The following ROBO2 variants were observed in gnomAD, a reference collection of about 807,000 sequenced individuals.
ROBO2 encodes roundabout guidance receptor 2, also known as roundabout homolog 2.
In ROBO2, 53 loss-of-function variants were observed where a neutral mutation model predicts 160.8. The ratio of observed to expected loss-of-function variants is 0.33; its 90% confidence interval spans 0.26 to 0.41. The LOEUF (loss-of-function observed/expected upper bound fraction) is 0.41, where lower values mean the gene tolerates loss of function less well. Ranked by LOEUF, ROBO2 falls within the 10% of genes least tolerant of loss-of-function variation. The pLI is 1.00. For synonymous variants in ROBO2, 664 were observed against 611.7 expected, an observed-to-expected ratio of 1.09 and a Z score of -1.26; for missense variants, 1,577 against 1,722.4, an observed-to-expected ratio of 0.92 and a Z score of 1.49.
chr3:76,089,193 A>T (rs944070947), intron 2 of ROBO2, among the ~76,000 whole-genome samples: 1 of 152,078 alleles, frequency 6.6e-6, no homozygotes, highest in African/African-American at 2.4e-5. Context: ...TTAATAGTTA[A>T]TCAGTTACCA....
At chr3:77,153,028 C>T (rs1365320815) in intron 2 of ROBO2, among the ~76,000 whole-genome samples, 2 of 152,140 alleles carry the variant, frequency 1.3e-5, no homozygotes, top group African/African-American at 4.8e-5. Context: ...AAGGTGTGGT[C>T]TTTCAGTCTG....
rs186295361 is a variant in ROBO2 at position 76,714,758 on chromosome 3, A to G, written c.110-383256A>G. On this transcript the variant is annotated intron_variant, in intron 2 of 26. Transcript: ENST00000487694. ...AGTACACAAATCTATTGCCAATAGCACTGACTCTGGGAACTTTTAAATAAA... is the reference window on the plus strand; with the variant it reads ...AGTACACAAATCTATTGCCAATAGCGCTGACTCTGGGAACTTTTAAATAAA... 2.2e-3 allele frequency among the ~76,000 whole-genome samples: 333 copies of G among 152,292 alleles called. 2 individuals carry two copies. The highest frequency in any genetic ancestry group is 2.5e-3 in the Non-Finnish European group (168 of 68,002).
intron 2 of ROBO2, among the ~76,000 whole-genome samples, chr3:76,751,259 C>A (rs1024474883): frequency 5.9e-5 from 9 of 151,714 alleles, no homozygotes; most frequent in Non-Finnish European, 1.0e-4. Context: ...AAAGCTGAAA[C>A]CTGAAACTGG....
In ROBO2 at chr3:75,969,191, ATATAT is replaced by A. The variant is rs201995584; in HGVS notation, c.109+31594_109+31598del. Among the ~76,000 whole-genome samples, 1,012 of 149,354 alleles carry A rather than the reference ATATAT, an allele frequency of 6.8e-3. 65 individuals are homozygous for A. In the East Asian group the frequency reaches 0.17, roughly 25 times the overall value. ...TTATAAGATTATAATATGATATATA[ATATAT>A]TATAACTATACATCATAGTTTCTTT... On this transcript the variant is annotated intron_variant, in intron 2 of 26. Transcript: ENST00000487694.
In ROBO2 at chr3:76,404,867, T is replaced by C. The variant is rs773457924; in HGVS notation, c.109+467265T>C. Among the ~76,000 whole-genome samples, 102 of 151,636 alleles carry C rather than the reference T, an allele frequency of 6.7e-4. 1 individual carries two copies. The highest frequency in any genetic ancestry group is 3.1e-4 in the Non-Finnish European group (21 of 67,722). On this transcript the variant is annotated intron_variant, in intron 2 of 26. Transcript: ENST00000487694. ...TTGTGGCTTGGTTGTGAATATGGCG[T>C]ATGTGAAAATGAGAATGGGTTATAA...
At chr3:76,951,083 C>A (rs926585640) in intron 2 of ROBO2, among the ~76,000 whole-genome samples, 2 of 152,146 alleles carry the variant, frequency 1.3e-5, no homozygotes, top group Admixed American at 6.5e-5. Context: ...TTCATTTAGT[C>A]ACTTCTTTCA....
chr3:76,033,937 G>A (rs2067013910), intron 2 of ROBO2, among the ~76,000 whole-genome samples: 1 of 152,222 alleles, frequency 6.6e-6, no homozygotes, highest in Admixed American at 6.5e-5. Context: ...GAAAGGGAAA[G>A]TAGAAACTGA....
chr3:77,304,532 G>T (rs1472930664), intron 2 of ROBO2, among the ~76,000 whole-genome samples: 3 of 152,100 alleles, frequency 2.0e-5, no homozygotes, highest in Admixed American at 6.6e-5. Flanking sequence ...TTTCAGGGCT[G>T]CCAGCGCACT....
chr3:76,554,037 C>T (rs919445209), intron 2 of ROBO2, among the ~76,000 whole-genome samples: 1 of 152,112 alleles, frequency 6.6e-6, no homozygotes, highest in Non-Finnish European at 1.5e-5. Context: ...AACGTGAACA[C>T]TCGCATTTTA....
At chr3:77,577,741 T>A in intron 15 of ROBO2, 127 bp downstream of exon 16, 1 of 1,184,314 alleles carries the variant, frequency 8.4e-7, no homozygotes, top group Admixed American at 2.0e-5. Context: ...TTATTTATAT[T>A]TCTGTGTGAC....
chr3:77,169,169 T>C (rs1235425881), intron 2 of ROBO2, among the ~76,000 whole-genome samples: 4 of 152,222 alleles, frequency 2.6e-5, no homozygotes, highest in Admixed American at 1.3e-4. Context: ...CGTGTTCTTA[T>C]TTGCTGAGTG....
chr3:77,350,623 T>C (rs181946658), intron 2 of ROBO2, among the ~76,000 whole-genome samples: 153 of 152,198 alleles, frequency 1.0e-3, no homozygotes, highest in African/African-American at 3.6e-3. Context: ...ACAGAAGGTG[T>C]CAGGTGAAAT....
chr3:76,561,151 C>T (rs368369039), intron 2 of ROBO2, among the ~76,000 whole-genome samples: 3 of 151,574 alleles, frequency 2.0e-5, no homozygotes, highest in African/African-American at 7.3e-5. Flanking sequence ...GCATCATGTT[C>T]CAACCTTAAC....
intron 2 of ROBO2, among the ~76,000 whole-genome samples, chr3:77,374,742 G>T (rs753453895): frequency 1.3e-5 from 2 of 152,162 alleles, no homozygotes; most frequent in African/African-American, 2.4e-5. Flanking sequence ...GAGATGTACT[G>T]ACTGAATTAC....
At chr3:76,147,888 A>G (rs955325711) in intron 2 of ROBO2, among the ~76,000 whole-genome samples, 2 of 152,046 alleles carry the variant, frequency 1.3e-5, no homozygotes, top group Admixed American at 6.6e-5. Flanking sequence ...TTTCACTGGT[A>G]TGTGTGACCT....
chr3:76,083,101 AC>A (rs1381061866), intron 2 of ROBO2, among the ~76,000 whole-genome samples: 1 of 152,072 alleles, frequency 6.6e-6, no homozygotes, highest in African/African-American at 2.4e-5. Flanking sequence ...TAATATGAAC[AC>A]CTTTGGGAAG....
At chr3:77,034,912 A>C (rs2063537467), upstream of ROBO2, among the ~76,000 whole-genome samples, 2 of 151,962 alleles carry the variant, frequency 1.3e-5, no homozygotes, top group African/African-American at 4.8e-5. Flanking sequence ...GTGTAAAATT[A>C]GCAAAAAGTG....
rs970756069 is a variant in ROBO2, at chr3:76,279,048, C to T, written c.109+341446C>T. Among the ~76,000 whole-genome samples the T allele has an allele frequency of 3.3e-5, 5 of 151,634 alleles. No individual in the cohort carries two copies. The South Asian group carries it at 1.0e-3, about 32-fold the overall frequency. On this transcript the variant is annotated intron_variant, in intron 2 of 26. Transcript: ENST00000487694. ...ATATTAATAGTGTTATTGCAGCAAA[C>T]ATTTATGTATAGAAAATACAAACAC...
At chr3:77,282,635 T>A (rs2060315436) in intron 2 of ROBO2, among the ~76,000 whole-genome samples, 1 of 152,136 alleles carries the variant, frequency 6.6e-6, no homozygotes, top group South Asian at 2.1e-4. Context: ...TGATAAAATG[T>A]AAGTTTACTG....
Sources: allele counts gnomAD v4.1 joint callset (sites outside exome capture counted in the v4.1 genomes callset), GRCh38; gene constraint gnomAD v4.1.1; transcripts MANE v1.5; gene names NCBI Gene and HGNC (gene_info 2026-07-23, HGNC 2026-07-21).